Variants in BACH1 observed in about 807,000 individuals in gnomAD.
BACH1 encodes the protein transcription regulator protein BACH1.
BACH1 carries 35 observed loss-of-function variants against 52.9 expected under a neutral mutation model. The ratio of observed to expected loss-of-function variants is 0.66; its 90% CI spans 0.51 to 0.88. The LOEUF (loss-of-function observed/expected upper bound fraction) is 0.88. Among genes scored for constraint, BACH1 ranks in the 40% least tolerant of loss-of-function variants. The pLI is 0.00. For synonymous variants in BACH1, 321 were observed against 319.6 expected (o/e 1.00, Z -0.05); for missense variants, 808 against 872.6 (o/e 0.93, Z 0.93).
chr21:29,324,556 T>TTGTGTGTGTGTGTGTG (rs59785894), intron 2 of BACH1, among the ~76,000 whole-genome samples: 2 of 145,222 alleles, frequency 1.4e-5, no homozygotes, highest in South Asian at 2.2e-4. Flanking sequence ...TGGATGTACC[T>TTGTGTGTGTGTGTGTG]TGTGTGTGTG....
chr21:29,336,428 ATTTTCAAAGTAATATT>A, intron 4 of BACH1, among the ~76,000 whole-genome samples: 1 of 152,068 alleles, frequency 6.6e-6, no homozygotes, highest in South Asian at 2.1e-4. Context: ...AGATTGCTCC[ATTTTCAAAGTAATATT>A]TTTTCAACCT....
intron 2 of BACH1, among the ~76,000 whole-genome samples, chr21:29,355,121 C>A (rs2089225972): frequency 6.6e-6 from 1 of 152,214 alleles, no homozygotes; most frequent in Non-Finnish European, 1.5e-5. Flanking sequence ...TTGGCTCTGC[C>A]ACATCCTGCT....
intron 1 of BACH1, among the ~76,000 whole-genome samples, chr21:29,304,102 A>C (rs1191096424): frequency 1.3e-5 from 2 of 152,096 alleles, no homozygotes; most frequent in Non-Finnish European, 2.9e-5. Flanking sequence ...TTTTTGTAAT[A>C]AACTAGTTAT....
chr21:29,350,266 T>C (rs968396434), downstream of BACH1, among the ~76,000 whole-genome samples: 2 of 152,208 alleles, frequency 1.3e-5, no homozygotes, highest in Non-Finnish European at 2.9e-5. Flanking sequence ...TCTGCTCTTC[T>C]GGTTTTGATT....
intron 4 of BACH1, among the ~76,000 whole-genome samples, chr21:29,338,037 T>G (rs1414385429): frequency 2.0e-5 from 3 of 152,168 alleles, no homozygotes; most frequent in Non-Finnish European, 4.4e-5. Flanking sequence ...GTTGTGCACA[T>G]GTACCCTAGA....
chr21:29,358,764 GA>G lies in BACH1; in HGVS notation c.472+29075del, dbSNP rs376734947. Among the ~76,000 whole-genome samples, 65 of 65,810 alleles carry G rather than the reference GA, an allele frequency of 9.9e-4. 1 individual carries two copies. Among genetic ancestry groups the G allele is most frequent in the African/African-American group, 2.4e-3 (44 of 18,084 alleles). The allele number at this position is 65,810 out of a possible 152,430, so 43.2% of individuals were successfully genotyped here. A position where few individuals can be genotyped will look rare whatever the true frequency, so the allele number is the denominator to read the frequency against. ...CAGAAAAAAAGAAAAGAAAAGAAAA[GA>G]AAAGAAAAGAAAGAAAGAAAGAAAG... On this transcript the variant is annotated intron_variant, in intron 2 of 4. Transcript: ENST00000422809.
chr21:29,304,584 G>A (rs543740417), intron 1 of BACH1, among the ~76,000 whole-genome samples: 1 of 152,248 alleles, frequency 6.6e-6, no homozygotes, highest in South Asian at 2.1e-4. Flanking sequence ...TTGTAGCCTG[G>A]ACATTAGTAA....
chr21:29,329,042 TCATGCCTGTAATCC>T (rs1384706024), intron 3 of BACH1, among the ~76,000 whole-genome samples: 1 of 152,158 alleles, frequency 6.6e-6, no homozygotes. Context: ...GCACAGTGGC[TCATGCCTGTAATCC>T]CAACACCTTG....
chr21:29,351,198 A>G (rs540637877), intron 2 of BACH1, among the ~76,000 whole-genome samples: 2 of 152,338 alleles, frequency 1.3e-5, no homozygotes, highest in Admixed American at 6.5e-5. Context: ...TCCTTCTTTC[A>G]GGAGACCGGA....
At chr21:29,306,154 A>T (rs926914917) in intron 1 of BACH1, among the ~76,000 whole-genome samples, 2 of 145,294 alleles carry the variant, frequency 1.4e-5, no homozygotes, top group African/African-American at 5.2e-5. Context: ...AGTAGGGAGA[A>T]GTTGGGTCAG....
intron 2 of BACH1, chr21:29,351,959 C>G: frequency 3.1e-6 from 1 of 323,580 alleles, no homozygotes; most frequent in South Asian, 2.6e-5. Context: ...GAAATTTAAG[C>G]AATGACTCAG....
At chr21:29,308,828 TCTC>T (rs1250325881) in intron 1 of BACH1, among the ~76,000 whole-genome samples, 1 of 152,262 alleles carries the variant, frequency 6.6e-6, no homozygotes, top group Non-Finnish European at 1.5e-5. Flanking sequence ...TTCCTAGTGT[TCTC>T]TTCTTCTAGT....
At chr21:29,302,507 C>T (rs960481568) in intron 1 of BACH1, among the ~76,000 whole-genome samples, 14 of 152,214 alleles carry the variant, frequency 9.2e-5, no homozygotes, top group African/African-American at 3.1e-4. Context: ...CTGGTTGTGT[C>T]ACCCACTTTA....
intron 4 of BACH1, among the ~76,000 whole-genome samples, chr21:29,341,398 A>T (rs77392789): frequency 0.013 from 2,039 of 152,258 alleles, 30 homozygotes; most frequent in Non-Finnish European, 0.018. Flanking sequence ...GCAAGTGTTT[A>T]TTTACTCTTT....
intron 1 of BACH1, among the ~76,000 whole-genome samples, chr21:29,316,145 TG>T (rs2088783893): frequency 6.6e-6 from 1 of 152,214 alleles, no homozygotes; most frequent in African/African-American, 2.4e-5. Flanking sequence ...GATGAAATAT[TG>T]TAGACCTGGT....
chr21:29,355,346 G>A (rs969113247), intron 2 of BACH1, among the ~76,000 whole-genome samples: 2 of 152,144 alleles, frequency 1.3e-5, no homozygotes, highest in African/African-American at 4.8e-5. Context: ...TGATTGGTGC[G>A]TTTACAAACC....
intron 4 of BACH1, among the ~76,000 whole-genome samples, chr21:29,337,266 G>A: frequency 6.6e-6 from 1 of 152,188 alleles, no homozygotes; most frequent in African/African-American, 2.4e-5. Flanking sequence ...ACTTTGGAAA[G>A]CCTACCTGCT....
chr21:29,331,039 A>G (rs1190938254), intron 4 of BACH1, among the ~76,000 whole-genome samples: 2 of 151,944 alleles, frequency 1.3e-5, no homozygotes, highest in African/African-American at 4.8e-5. Flanking sequence ...AAAGTTTTCA[A>G]TTCTATAGTA....
rs754965100 is a variant in BACH1 at position 29,342,654 on chromosome 21, G to A, written c.2032G>A (p.Ala678Thr). ...TTTCAGTTTATCTGACCGGCCTCCA[G>A]CAGTGCTGCCTCCCTGTGCCAGAGG... ...SIFSLSDRPP[A>T]VLPPCARGNS... The change falls in exon 5 of 5, where the codon GCA (alanine) becomes ACA (threonine). Residue 678 changes from alanine (A) to threonine (T), a missense_variant. Coordinates refer to ENST00000286800, the MANE Select transcript of BACH1 (RefSeq NM_001186.4). 7 of 1,614,072 alleles carry A rather than the reference G, an allele frequency of 4.3e-6. No individual in the cohort carries two copies. Among genetic ancestry groups the A allele is most frequent in the South Asian group, 1.1e-5 (1 of 91,090 alleles).
Sources: gnomAD v4.1 joint callset for allele counts (sites outside exome capture counted in the v4.1 genomes callset) on GRCh38, gnomAD v4.1.1 for gene constraint, MANE v1.5 for transcripts, NCBI Gene and HGNC (gene_info 2026-07-23, HGNC 2026-07-21) for gene names.